Variants in RAD52 observed in about 807,000 individuals in gnomAD.
RAD52 encodes the protein RAD52 DNA repair protein.
Under a neutral mutation model 55.5 loss-of-function variants are expected in RAD52, and 47 were observed. The ratio of observed to expected loss-of-function variants is 0.85; its 90% CI spans 0.67 to 1.08. RAD52 has a LOEUF of 1.08. Ranked by LOEUF, RAD52 falls within the 50% of genes least tolerant of loss-of-function variation. The probability of loss-of-function intolerance (pLI) is 0.00; values close to 1 mark genes in which losing one functional copy is unlikely to be tolerated. For missense variants in RAD52, 468 were observed against 522.8 expected, an observed-to-expected ratio of 0.90 and a Z score of 1.02; for synonymous variants, 184 against 198.9, an observed-to-expected ratio of 0.92 and a Z score of 0.63.
chr12:948,808 T>C (rs1958403024), intron 1 of RAD52, among the ~76,000 whole-genome samples: 1 of 151,796 alleles, frequency 6.6e-6, no homozygotes, highest in Admixed American at 6.6e-5. Flanking sequence ...CAAGCGATTC[T>C]CATGCCTCCG....
intron 1 of RAD52, chr12:936,960 G>C (rs1483016870): frequency 6.6e-6 from 1 of 152,260 alleles, no homozygotes; most frequent in Non-Finnish European, 1.5e-5. Flanking sequence ...CTCATACTGG[G>C]TACCTATCAC....
chr12:973,226 C>A (rs1226630922), intron 1 of RAD52, among the ~76,000 whole-genome samples: 1 of 151,224 alleles, frequency 6.6e-6, no homozygotes, highest in Non-Finnish European at 1.5e-5. Context: ...CCCGCCACCA[C>A]ACCCGGCTAA....
At chr12:941,615 G>A (rs1014806699) in intron 1 of RAD52, among the ~76,000 whole-genome samples, 2 of 149,838 alleles carry the variant, frequency 1.3e-5, no homozygotes, top group Admixed American at 1.3e-4. Context: ...GCCACACCTG[G>A]CCCAAAATTT....
chr12:918,210 TAAGAA>T (rs1337481734), intron 7 of RAD52, among the ~76,000 whole-genome samples: 5 of 152,124 alleles, frequency 3.3e-5, no homozygotes, highest in Admixed American at 6.5e-5. Context: ...AAATGTCTAC[TAAGAA>T]AAGACTAGAA....
chr12:975,175 T>A (rs993395126), intron 1 of RAD52: 14 of 136,908 alleles, frequency 1.0e-4, no homozygotes, highest in African/African-American at 3.7e-4. Flanking sequence ...TAGGGTTTGG[T>A]ACTATCCATG....
intron 1 of RAD52, among the ~76,000 whole-genome samples, chr12:956,876 A>G (rs1958614430): frequency 6.6e-6 from 1 of 152,224 alleles, no homozygotes; most frequent in African/African-American, 2.4e-5. Context: ...GTGAGAATAA[A>G]TAACATCTAC....
rs1160755707 is a variant in RAD52 at position 939,075 on chromosome 12, T to TA, written c.-18-6000_-18-5999insT. Among the ~76,000 whole-genome samples the TA allele has an allele frequency of 1.1e-3, 138 of 124,534 alleles. 1 individual carries two copies. Among genetic ancestry groups the TA allele is most frequent in the African/African-American group, 3.9e-3 (132 of 34,030 alleles). The allele number at this position is 124,534 out of a possible 152,430, so 81.7% of individuals were successfully genotyped here. On this transcript the variant is annotated intron_variant, in intron 1 of 11. Transcript: ENST00000358495. ...AATTGTGTGTGTGTGTGTGTGTGTG[T>TA]GTGTGTGTGTAGAGAGAGAGAAAAA... is the stretch of plus-strand genomic sequence containing the variant.
Position 916,564 on chromosome 12 carries a change from C to T in RAD52, c.725+75G>A, listed in dbSNP as rs747998284. On this transcript the variant is annotated intron_variant, in intron 8 of 11. Coordinates refer to ENST00000358495, the MANE Select transcript of RAD52 (RefSeq NM_134424.4). Reference sequence around the variant, plus strand: ...GGAGGACACGCACGGCTGGCTGGCTCTGGAGGCCTGAGTGGAGGCAGCCCC... The same window carrying T: ...GGAGGACACGCACGGCTGGCTGGCTTTGGAGGCCTGAGTGGAGGCAGCCCC... 3 of 1,599,274 alleles carry T rather than the reference C, an allele frequency of 1.9e-6. No homozygotes were observed. In the South Asian group the frequency reaches 3.3e-5, roughly 18 times the overall value.
rs1258102866 is a variant in RAD52 at position 911,918 on chromosome 12, G to A, written c.*1473C>T. Among the ~76,000 whole-genome samples the A allele has an allele frequency of 1.3e-5, 2 of 151,946 alleles. No individual in the cohort carries two copies. Among genetic ancestry groups the A allele is most frequent in the Admixed American group, 6.6e-5 (1 of 15,250 alleles). ...GGTGTCTGTAATCCCAGCTACTCGG[G>A]AGCCTGAGGCAGGAGAATTGCTTGA... On this transcript the variant is annotated 3_prime_UTR_variant, in exon 12 of 12. Transcript: ENST00000358495.
chr12:949,448 T>A (rs1034814883), intron 1 of RAD52, 154 bp downstream of exon 1: 2 of 152,204 alleles, frequency 1.3e-5, no homozygotes, highest in Non-Finnish European at 2.9e-5. Flanking sequence ...ACTGGTGAAC[T>A]AGAACAGGCC....
At position 913,082 on chromosome 12, in the gene RAD52, G is replaced by A; in HGVS notation, c.*309C>T. 1 of 194,876 alleles carries A rather than the reference G, an allele frequency of 5.1e-6. No individual in the cohort carries two copies. The highest frequency in any genetic ancestry group is 9.5e-6 in the Non-Finnish European group (1 of 105,696). 12.1% of individuals were successfully genotyped at this position (194,876 alleles called of 1,614,324 possible). ...TGCTTGAGGGCAAGGAGCCATTGGTGATTCCTAAAATGTCCATCTTCATTA... is the reference window on the plus strand; with the variant it reads ...TGCTTGAGGGCAAGGAGCCATTGGTAATTCCTAAAATGTCCATCTTCATTA... On this transcript the variant is annotated 3_prime_UTR_variant, in exon 12 of 12. Transcript: ENST00000358495.
At chr12:981,738 C>T (rs1959018341) in intron 1 of RAD52, among the ~76,000 whole-genome samples, 1 of 143,702 alleles carries the variant, frequency 7.0e-6, no homozygotes, top group South Asian at 2.2e-4. Flanking sequence ...GCCTGGGCGA[C>T]AGAATGAGTG....
At chr12:979,385 G>C (rs1460785237) in intron 1 of RAD52, among the ~76,000 whole-genome samples, 2 of 151,942 alleles carry the variant, frequency 1.3e-5, no homozygotes, top group Non-Finnish European at 2.9e-5. Flanking sequence ...AGGTTGCAGT[G>C]AGCCAAAATC....
chr12:925,320 A>T (rs1956973240), intron 7 of RAD52, 130 bp downstream of exon 7: 1 of 770,962 alleles, frequency 1.3e-6, no homozygotes, highest in East Asian at 2.5e-5. Context: ...TCGAAATCTG[A>T]AATCAACATT....
At chr12:964,914 T>C (rs1958736667) in intron 1 of RAD52, among the ~76,000 whole-genome samples, 1 of 151,988 alleles carries the variant, frequency 6.6e-6, no homozygotes, top group Non-Finnish European at 1.5e-5. Flanking sequence ...ATATTTTGGA[T>C]ACACTTCTTC....
chr12:916,930 C>A (rs1956422834), intron 7 of RAD52, 110 bp from the exon 8 acceptor site: 1 of 1,434,536 alleles, frequency 7.0e-7, no homozygotes, highest in Non-Finnish European at 9.3e-7. Flanking sequence ...CATCCTCCAT[C>A]CATCACGCCT....
In RAD52 at chr12:968,139, A is replaced by C. The variant is rs1231852468; in HGVS notation, c.-19+21670T>G. 2.0e-5 allele frequency among the ~76,000 whole-genome samples: 3 copies of C among 152,138 alleles called. No individual in the cohort carries two copies. The East Asian group carries it at 5.8e-4, about 29-fold the overall frequency. ...CCACAATTCTTTCCTCCATAAAAGC[A>C]AGTACAAAACTGACAAAAATTGATA... On this transcript the variant is annotated intron_variant, in intron 1 of 11. Transcript: ENST00000430095.
chr12:916,369 G>A lies in RAD52; in HGVS notation c.840C>T (p.Ser280=), dbSNP rs767275488. The A allele has an allele frequency of 5.6e-6, 9 of 1,607,672 alleles. No homozygotes were observed. The African/African-American group carries it at 1.1e-4, about 19-fold the overall frequency. The part of the protein sequence containing the change: ...ERMEKQQVRV[S]TPSAEKSEAA... ...CCTCACTCTTCTCAGCTGACGGCGTGGAGACTCGAACCTGCTGCTTCTCCA... is the reference window on the plus strand; with the variant it reads ...CCTCACTCTTCTCAGCTGACGGCGTAGAGACTCGAACCTGCTGCTTCTCCA... Residue 280 remains serine (S), a synonymous_variant, in exon 9 of 12, where the codon TCC becomes TCT. Coordinates refer to ENST00000358495, the MANE Select transcript of RAD52 (RefSeq NM_134424.4).
intron 1 of RAD52, among the ~76,000 whole-genome samples, chr12:935,406 G>C (rs556079845): frequency 7.2e-6 from 1 of 139,442 alleles, no homozygotes; most frequent in Admixed American, 7.6e-5. Context: ...TTTTGTAAGC[G>C]TTTCGCTCTT....
Sources: gnomAD v4.1 joint callset for allele counts (sites outside exome capture counted in the v4.1 genomes callset) on GRCh38, gnomAD v4.1.1 for gene constraint, MANE v1.5 for transcripts, NCBI Gene and HGNC (gene_info 2026-07-23, HGNC 2026-07-21) for gene names.